The following NAA16 variants were observed in gnomAD, a reference collection of about 807,000 sequenced individuals.
The protein encoded by NAA16 is N-alpha-acetyltransferase 16, NatA auxiliary subunit.
In NAA16, 97 loss-of-function variants were observed where a neutral mutation model predicts 110.3. That is an observed-to-expected ratio of 0.88 (90% CI 0.75 to 1.04). NAA16 has a LOEUF of 1.04. NAA16 is among the 50% of genes least tolerant of loss of function. The pLI is 0.00. For synonymous variants in NAA16, 372 were observed against 330.6 expected (o/e 1.13, Z -1.36); for missense variants, 1,017 against 1,005.1 (o/e 1.01, Z -0.16).
chr13:41,347,735 G>T (rs1037226005), intron 9 of NAA16, among the ~76,000 whole-genome samples: 3 of 152,110 alleles, frequency 2.0e-5, no homozygotes, highest in African/African-American at 7.2e-5. Flanking sequence ...CGTTGCTATA[G>T]ATGTTTTAAT....
intron 10 of NAA16, among the ~76,000 whole-genome samples, chr13:41,356,180 C>T (rs934480156): frequency 5.3e-5 from 8 of 149,914 alleles, no homozygotes; most frequent in South Asian, 2.1e-4. Flanking sequence ...TGCATACGCG[C>T]GCACACGCGG....
At chr13:41,346,947 G>A (rs1023934487) in intron 9 of NAA16, among the ~76,000 whole-genome samples, 5 of 152,048 alleles carry the variant, frequency 3.3e-5, no homozygotes, top group Middle Eastern at 3.2e-3. Flanking sequence ...AGCCGGGCGC[G>A]GTGGCTCACG....
At chr13:41,316,706 T>C in intron 1 of NAA16, 140 bp from the exon 2 acceptor site, 1 of 590,876 alleles carries the variant, frequency 1.7e-6, no homozygotes, top group East Asian at 2.8e-5. Context: ...AAAAGTACAC[T>C]GCATGTTTGT....
intron 12 of NAA16, among the ~76,000 whole-genome samples, chr13:41,360,325 A>G (rs1358297383): frequency 2.6e-5 from 4 of 151,472 alleles, no homozygotes; most frequent in Non-Finnish European, 5.9e-5. Context: ...GGATCGCTCA[A>G]CCACTAAGTA....
At chr13:41,318,673 T>C (rs1003102303) in intron 2 of NAA16, 133 bp from the exon 3 acceptor site, 2 of 425,720 alleles carry the variant, frequency 4.7e-6, no homozygotes, top group Admixed American at 8.6e-5. Context: ...TGGAGAGAAG[T>C]TCAAACTGTG....
At chr13:41,368,232 G>C (rs1450957859) in intron 14 of NAA16, among the ~76,000 whole-genome samples, 2 of 152,080 alleles carry the variant, frequency 1.3e-5, no homozygotes. Context: ...TTATTCACTA[G>C]AATGTTAATA....
At position 41,355,235 on chromosome 13, in the gene NAA16, G is replaced by A; in HGVS notation, c.1087+19G>A. ...CCATATGGTAAGTTTAAATTAGATT[G>A]AATTGGAATTTGATTACTCATTTCA... On this transcript the variant is annotated intron_variant, in intron 10 of 19. Coordinates refer to ENST00000379406, the MANE Select transcript of NAA16 (RefSeq NM_024561.5). 7.0e-7 allele frequency: 1 copy of A among 1,429,976 alleles called. No homozygotes were observed. The highest frequency in any genetic ancestry group is 1.2e-5 in the South Asian group (1 of 80,540). 88.6% of individuals were successfully genotyped at this position (1,429,976 alleles called of 1,614,324 possible).
At chr13:41,363,897 A>C (rs988640652) in intron 13 of NAA16, among the ~76,000 whole-genome samples, 1 of 152,164 alleles carries the variant, frequency 6.6e-6, no homozygotes, top group Non-Finnish European at 1.5e-5. Flanking sequence ...TATCTATACT[A>C]AAAGCAAATA....
At position 41,325,772 on chromosome 13, in the gene NAA16, T is replaced by G. The variant is rs780404401; in HGVS notation, c.612T>G (p.Asp204Glu). The G allele has an allele frequency of 3.1e-6, 5 of 1,605,840 alleles. No homozygotes were observed. The highest frequency in any genetic ancestry group is 4.3e-6 in the Non-Finnish European group (5 of 1,173,252). ...AGAATCAAGTGATGAGAGAGGCAGA[T>G]CTGTTGCAGGAATCTTTGGAACATA... The part of the protein sequence containing the change: ...LYQNQVMREA[D>E]LLQESLEHIE... The change falls in exon 6 of 20, where the codon GAT becomes GAG. Residue 204 changes from aspartate (D) to glutamate (E), a missense_variant. Asp to Glu is a conservative substitution (Grantham distance 45). Transcript: ENST00000379406.
chr13:41,374,780 G>T lies in NAA16; in HGVS notation c.2338G>T (p.Glu780Ter). Residue 780 changes from glutamate (E) to a stop codon, truncating the protein, a stop_gained, in exon 19 of 20, where the codon GAG becomes TAG. Transcript: ENST00000379406. LOFTEE classifies it high-confidence loss of function. The part of the protein sequence containing the change: ...MMYFLDKSRQ[E>*]KAIAIATRLD... ...GTATTTTCTGGACAAGTCAAGGCAG[G>T]AGAAAGCAATTGCTATAGCCACTAG... is the stretch of plus-strand genomic sequence containing the variant. 6.2e-7 allele frequency: 1 copy of T among 1,613,052 alleles called. No individual in the cohort carries two copies. Among genetic ancestry groups the T allele is most frequent in the South Asian group, 1.1e-5 (1 of 90,918 alleles).
intron 19 of NAA16, among the ~76,000 whole-genome samples, chr13:41,375,159 T>C (rs975964589): frequency 2.4e-4 from 36 of 152,206 alleles, no homozygotes; most frequent in African/African-American, 8.2e-4. Flanking sequence ...AAAGGACACT[T>C]TGATTTTTAG....
chr13:41,353,113 T>A (rs184540025), intron 9 of NAA16, among the ~76,000 whole-genome samples: 2 of 150,536 alleles, frequency 1.3e-5, no homozygotes, highest in East Asian at 3.9e-4. Context: ...AGACTCCATC[T>A]CAAAACAAAA....
At position 41,331,393 on chromosome 13, in the gene NAA16, A is replaced by G. The variant is rs375566907; in HGVS notation, c.907+24A>G. 33 of 1,416,170 alleles carry G rather than the reference A, an allele frequency of 2.3e-5. No individual in the cohort carries two copies. In the African/African-American group the frequency reaches 3.3e-4, roughly 14 times the overall value. The allele number at this position is 1,416,170 out of a possible 1,614,324, so 87.7% of individuals were successfully genotyped here. ...AGGTAATATTAAGATGTCTTTTATA[A>G]TATTAATTATTTGTCAGAATTACTC... is the stretch of plus-strand genomic sequence containing the variant. On this transcript the variant is annotated intron_variant, in intron 8 of 19. Transcript: ENST00000379406.
Position 41,316,993 on chromosome 13 carries a change from G to C in NAA16, c.139+63G>C. ...AATTCTAAAACCAGGCATTAACAGT[G>C]AAAGAAGAGTATTTCCCCGATTCCA... On this transcript the variant is annotated intron_variant, in intron 2 of 19. Coordinates refer to ENST00000379406, the MANE Select transcript of NAA16 (RefSeq NM_024561.5). 3 of 1,138,816 alleles carry C rather than the reference G, an allele frequency of 2.6e-6. No individual in the cohort carries two copies. The South Asian group carries it at 3.7e-5, about 14-fold the overall frequency. The allele number at this position is 1,138,816 out of a possible 1,614,324, so 70.5% of individuals were successfully genotyped here. A position where few individuals can be genotyped will look rare whatever the true frequency, so the allele number is the denominator to read the frequency against.
chr13:41,323,811 A>G (rs954074483), intron 5 of NAA16, among the ~76,000 whole-genome samples: 21 of 152,134 alleles, frequency 1.4e-4, no homozygotes, highest in Non-Finnish European at 2.9e-5. Context: ...AATATTCTAC[A>G]TGTGGATTCA....
chr13:41,363,401 A>G (rs2043151129), intron 13 of NAA16, among the ~76,000 whole-genome samples: 1 of 152,194 alleles, frequency 6.6e-6, no homozygotes, highest in East Asian at 1.9e-4. Flanking sequence ...AAACTTACCA[A>G]ATTTTCTGTT....
intron 14 of NAA16, among the ~76,000 whole-genome samples, 193 bp from the exon 15 acceptor site, chr13:41,368,897 A>G (rs1005867141): frequency 6.6e-6 from 1 of 152,208 alleles, no homozygotes; most frequent in African/African-American, 2.4e-5. Context: ...AGGAGGATGT[A>G]CATAGGTTGT....
At position 41,369,138 on chromosome 13, in the gene NAA16, G is replaced by A. The variant is rs1280237972; in HGVS notation, c.1802G>A (p.Arg601Lys). 6.3e-7 allele frequency: 1 copy of A among 1,584,888 alleles called. No individual in the cohort carries two copies. The highest frequency in any genetic ancestry group is 2.2e-5 in the East Asian group (1 of 44,548). ...ELKKMLSKQR[R>K]AQKKAKLEEE... ...AAGAAAATGCTTAGCAAGCAGAGAA[G>A]AGCTCAGAAAAAGGCTAAACTAGAA... Residue 601 changes from arginine to lysine, a missense_variant, in exon 15 of 20, where the codon AGA becomes AAA. By Grantham distance (26) the Arg-to-Lys change is conservative. Coordinates refer to ENST00000379406, the MANE Select transcript of NAA16 (RefSeq NM_024561.5).
At position 41,331,255 on chromosome 13, in the gene NAA16, C is replaced by T; in HGVS notation, c.812-19C>T. ...AAAGTTTTGATGCTATGAATCTCAC[C>T]CATATTTACTGATAATAGGCACTTT... On this transcript the variant is annotated intron_variant, in intron 7 of 19. Transcript: ENST00000379406. The T allele has an allele frequency of 1.4e-6, 2 of 1,471,412 alleles. No homozygotes were observed. The highest frequency in any genetic ancestry group is 1.2e-5 in the South Asian group (1 of 82,132). 91.1% of individuals were successfully genotyped at this position (1,471,412 alleles called of 1,614,324 possible). A position where few individuals can be genotyped will look rare whatever the true frequency, so the allele number is the denominator to read the frequency against.
Sources: gnomAD v4.1 joint callset for allele counts (sites outside exome capture counted in the v4.1 genomes callset) on GRCh38, gnomAD v4.1.1 for gene constraint, MANE v1.5 for transcripts, NCBI Gene and HGNC (gene_info 2026-07-23, HGNC 2026-07-21) for gene names.